Variants in MYH14 observed in about 807,000 individuals in gnomAD.
MYH14 encodes myosin-14.
A neutral mutation model predicts 255.5 loss-of-function variants in MYH14; 123 were observed. The observed-to-expected ratio is 0.48, with a 90% confidence interval of 0.42 to 0.56. The LOEUF is 0.56. Ranked by LOEUF, MYH14 falls within the 20% of genes least tolerant of loss-of-function variation. MYH14 has a pLI of 0.00. For synonymous variants in MYH14, 1,095 were observed against 1,161.2 expected, an observed-to-expected ratio of 0.94 and a Z score of 1.16; for missense variants, 2,423 against 2,802.3, an observed-to-expected ratio of 0.86 and a Z score of 3.06.
rs1214997527 is a variant in MYH14, at chr19:50,210,585, G to A, written c.220G>A (p.Gly74Ser). 6 of 1,575,896 alleles carry A rather than the reference G, an allele frequency of 3.8e-6. No individual in the cohort carries two copies. Among genetic ancestry groups the A allele is most frequent in the Admixed American group, 1.9e-5 (1 of 53,946 alleles). Residue 74 changes from glycine (G) to serine (S), a missense_variant, in exon 2 of 43, where the codon GGC (glycine) becomes AGC (serine). This residue lies in a region of MYH14 where 238 missense variants were observed against 245.8 expected (regional missense o/e 0.97). Coordinates refer to ENST00000642316, the MANE Select transcript of MYH14 (RefSeq NM_001145809.2). ...CGAGGCGGCGGCGCTGCGGGACGAAGGCGAGGAGGAGGCGGAGGTGGAGCT... is the reference window on the plus strand; with the variant it reads ...CGAGGCGGCGGCGCTGCGGGACGAAAGCGAGGAGGAGGCGGAGGTGGAGCT... ...GFEAAALRDE[G>S]EEEAEVELAE...
chr19:50,230,412 T>C lies in MYH14; in HGVS notation c.875-113T>C. On this transcript the variant is annotated intron_variant, in intron 8 of 42. Transcript: ENST00000642316. This position sits in a 1 kb window ranked among gnomAD's most constrained non-coding sequence, Gnocchi z 4.7. The stretch of plus-strand genomic sequence containing the variant: ...GTCACCAGCCTGGGCTGTGAGCGAC[T>C]CCACTACACCACAGGAGAGAAGGGG... 1 of 923,920 alleles carries C rather than the reference T, an allele frequency of 1.1e-6. No individual in the cohort carries two copies. The highest frequency in any genetic ancestry group is 1.7e-6 in the Non-Finnish European group (1 of 587,122). The allele number at this position is 923,920 out of a possible 1,614,324, so 57.2% of individuals were successfully genotyped here. A position where few individuals can be genotyped will look rare whatever the true frequency, so the allele number is the denominator to read the frequency against.
Position 50,272,568 on chromosome 19 carries a change from C to T in MYH14, c.3304C>T (p.Arg1102Trp), listed in dbSNP as rs397516629. Residue 1102 changes from arginine (R) to tryptophan (W), a missense_variant, in exon 27 of 43, where the codon CGG (arginine) becomes TGG (tryptophan). Physicochemically the swap from Arg to Trp is moderately radical, Grantham distance 101. Coordinates refer to ENST00000642316, the MANE Select transcript of MYH14 (RefSeq NM_001145809.2). Reference protein sequence around the residue: ...ATIADMEDRLRKEEKGRQELE... With the variant: ...ATIADMEDRLWKEEKGRQELE... ...CCCACCCCTGCCTCCAGACCGCCTACGGAAGGAGGAGAAGGGTCGCCAGGA... is the reference window on the plus strand; with the variant it reads ...CCCACCCCTGCCTCCAGACCGCCTATGGAAGGAGGAGAAGGGTCGCCAGGA... The T allele has an allele frequency of 1.1e-4, 175 of 1,572,110 alleles. No individual in the cohort carries two copies. Among genetic ancestry groups the T allele is most frequent in the Middle Eastern group, 3.8e-4 (2 of 5,302 alleles).
At chr19:50,222,871 C>A (rs2032905623) in intron 3 of MYH14, among the ~76,000 whole-genome samples, 1 of 152,190 alleles carries the variant, frequency 6.6e-6, no homozygotes, top group Non-Finnish European at 1.5e-5. Context: ...AACCAAGGCT[C>A]AGAGAGGGAC....
At chr19:50,308,878 CAG>C (rs1048986060) in intron 41 of MYH14, 125 bp from the exon 42 acceptor site, 13 of 937,886 alleles carry the variant, frequency 1.4e-5, no homozygotes, top group South Asian at 1.7e-5. Context: ...AAGGCCTAAA[CAG>C]AGAGCAGAGG....
chr19:50,295,724 C>T (rs975104099), intron 39 of MYH14, among the ~76,000 whole-genome samples: 3 of 147,306 alleles, frequency 2.0e-5, no homozygotes, highest in Non-Finnish European at 4.5e-5. Flanking sequence ...CCAGGGAGGT[C>T]GAAGCTGCAG....
At position 50,280,118 on chromosome 19, in the gene MYH14, G is replaced by T. The variant is rs1211940119; in HGVS notation, c.4114G>T (p.Glu1372Ter). 1 of 1,607,384 alleles carries T rather than the reference G, an allele frequency of 6.2e-7. No homozygotes were observed. Among genetic ancestry groups the T allele is most frequent in the Non-Finnish European group, 8.5e-7 (1 of 1,177,118 alleles). The change falls in exon 31 of 43, where the codon GAA (glutamate) becomes TAA (stop). Residue 1372 changes from glutamate (E) to a stop codon, truncating the protein, a stop_gained. Coordinates refer to ENST00000642316, the MANE Select transcript of MYH14 (RefSeq NM_001145809.2). LOFTEE classifies it high-confidence loss of function. The surrounding 1 kb of genome is among the most constrained non-coding windows in gnomAD (Gnocchi z 4.8). ...IRLSKELSSTEAQLHDAQELL... is the reference protein window; with the variant it reads ...IRLSKELSST ...TCTTAGCAAGGAGCTGAGCAGCACA[G>T]AAGCCCAGCTGCACGATGCCCAGGT...
intron 39 of MYH14, among the ~76,000 whole-genome samples, chr19:50,297,032 CT>C (rs1415799128): frequency 6.6e-6 from 1 of 152,064 alleles, no homozygotes; most frequent in Non-Finnish European, 1.5e-5. Flanking sequence ...GTCACCCAGA[CT>C]GGAGTGCCGT....
intron 10 of MYH14, among the ~76,000 whole-genome samples, chr19:50,236,206 G>A (rs1277240101): frequency 2.0e-5 from 3 of 151,482 alleles, no homozygotes; most frequent in Non-Finnish European, 2.9e-5. Flanking sequence ...GGTGGTGTGC[G>A]CCTTTACTCC....
intron 10 of MYH14, among the ~76,000 whole-genome samples, chr19:50,233,449 C>T (rs773119966): frequency 8.5e-5 from 13 of 152,276 alleles, no homozygotes; most frequent in Non-Finnish European, 1.5e-4. Flanking sequence ...GGATTCCAGG[C>T]GTGAGCCGCT....
Position 50,209,181 on chromosome 19 carries a change from T to C in MYH14, c.-3-1182T>C, listed in dbSNP as rs1026945765. 2.6e-5 allele frequency among the ~76,000 whole-genome samples: 4 copies of C among 152,090 alleles called. 1 individual carries two copies. The highest frequency in any genetic ancestry group is 2.6e-4 in the Admixed American group (4 of 15,264). ...TCAAAATAAAATAAAATAGATTGAATTTAAATGAATGAAATTGAAAATGTG... is the reference window on the plus strand; with the variant it reads ...TCAAAATAAAATAAAATAGATTGAACTTAAATGAATGAAATTGAAAATGTG... On this transcript the variant is annotated intron_variant, in intron 1 of 42. Transcript: ENST00000642316.
Position 50,295,777 on chromosome 19 carries a change from G to A in MYH14, c.5469+2090G>A, listed in dbSNP as rs150279817. On this transcript the variant is annotated intron_variant, in intron 39 of 42. Transcript: ENST00000642316. ...ACTGCACTCCAGCCTGGGCAACATAGTGAGACCCTGTCTCAAAAAGAAAAG... is the reference window on the plus strand; with the variant it reads ...ACTGCACTCCAGCCTGGGCAACATAATGAGACCCTGTCTCAAAAAGAAAAG... 8.8e-3 allele frequency among the ~76,000 whole-genome samples: 1,335 copies of A among 152,200 alleles called. 18 individuals carry two copies. The highest frequency in any genetic ancestry group is 0.03 in the African/African-American group (1,266 of 41,522).
intron 1 of MYH14, among the ~76,000 whole-genome samples, chr19:50,208,514 AAG>A (rs112016606): frequency 3.3e-5 from 5 of 151,962 alleles, no homozygotes; most frequent in African/African-American, 1.2e-4. Context: ...AAAAATAAAA[AAG>A]AGAGAGAGAA....
chr19:50,293,743 A>G lies in MYH14; in HGVS notation c.5469+56A>G. 6.7e-7 allele frequency: 1 copy of G among 1,496,716 alleles called. No individual in the cohort carries two copies. Among genetic ancestry groups the G allele is most frequent in the South Asian group, 1.4e-5 (1 of 72,340 alleles). 92.7% of individuals were successfully genotyped at this position (1,496,716 alleles called of 1,614,324 possible). The stretch of plus-strand genomic sequence containing the variant: ...CAGTCCCCATTGACCTGGGACCGTA[A>G]CCTTCAGTCCTCTTATTCAACAAAT... On this transcript the variant is annotated intron_variant, in intron 39 of 42. Transcript: ENST00000642316. This position sits in a 1 kb window ranked among gnomAD's most constrained non-coding sequence, Gnocchi z 4.1.
intron 33 of MYH14, among the ~76,000 whole-genome samples, chr19:50,284,534 A>AT (rs1325014351): frequency 2.0e-5 from 3 of 151,598 alleles, no homozygotes; most frequent in African/African-American, 7.3e-5. Context: ...CACCCGGCTA[A>AT]TTTTTTTATT....
chr19:50,230,420 A>G lies in MYH14; in HGVS notation c.875-105A>G. ...CCTGGGCTGTGAGCGACTCCACTAC[A>G]CCACAGGAGAGAAGGGGGCAGCGTG... On this transcript the variant is annotated intron_variant, in intron 8 of 42. Transcript: ENST00000642316. The surrounding 1 kb of genome is among the most constrained non-coding windows in gnomAD (Gnocchi z 4.7). 2.0e-6 allele frequency: 2 copies of G among 1,008,886 alleles called. No individual in the cohort carries two copies. Among genetic ancestry groups the G allele is most frequent in the Non-Finnish European group, 1.5e-6 (1 of 659,834 alleles). The allele number at this position is 1,008,886 out of a possible 1,614,324, so 62.5% of individuals were successfully genotyped here. A position where few individuals can be genotyped will look rare whatever the true frequency, so the allele number is the denominator to read the frequency against.
chr19:50,252,566 GAA>G lies in MYH14; in HGVS notation c.1831-72_1831-71del. The G allele has an allele frequency of 9.4e-7, 1 of 1,062,948 alleles. No homozygotes were observed. The highest frequency in any genetic ancestry group is 1.3e-5 in the South Asian group (1 of 74,118). 65.8% of individuals were successfully genotyped at this position (1,062,948 alleles called of 1,614,324 possible). Reference sequence around the variant, plus strand: ...AGACCTGGGAGTCTCAGAGCTTCTGGAAGGCTCCTTAGGAAATCCAGAGAATG... The same window carrying G: ...AGACCTGGGAGTCTCAGAGCTTCTGGGGCTCCTTAGGAAATCCAGAGAATG... On this transcript the variant is annotated intron_variant, in intron 15 of 42. Transcript: ENST00000642316. The surrounding 1 kb of genome is among the most constrained non-coding windows in gnomAD (Gnocchi z 4.2).
At chr19:50,240,168 G>A (rs773405419) in intron 10 of MYH14, among the ~76,000 whole-genome samples, 2 of 152,242 alleles carry the variant, frequency 1.3e-5, no homozygotes, top group Non-Finnish European at 2.9e-5. Context: ...GTGAGGGAAG[G>A]GGGCTTTGGA....
Position 50,280,486 on chromosome 19 carries a change from GC to G in MYH14, c.4290+105del. On this transcript the variant is annotated intron_variant, in intron 32 of 42. Coordinates refer to ENST00000642316, the MANE Select transcript of MYH14 (RefSeq NM_001145809.2). This position sits in a 1 kb window ranked among gnomAD's most constrained non-coding sequence, Gnocchi z 4.8. ...GGCCATGCTGCCCACCTTCTCATAG[GC>G]CAGACCCATGGGTGCCTTTCTCATC... 1 of 1,265,454 alleles carries G rather than the reference GC, an allele frequency of 7.9e-7. No homozygotes were observed. Among genetic ancestry groups the G allele is most frequent in the Non-Finnish European group, 1.1e-6 (1 of 937,950 alleles). The allele number at this position is 1,265,454 out of a possible 1,614,324, so 78.4% of individuals were successfully genotyped here.
chr19:50,260,549 CTG>C, intron 19 of MYH14, 95 bp from the exon 20 acceptor site: 1 of 766,738 alleles, frequency 1.3e-6, no homozygotes, highest in Non-Finnish European at 2.3e-6. Flanking sequence ...GTTGTTCCTG[CTG>C]TGTGTCACTC....
Sources: gnomAD v4.1 joint callset for allele counts (sites outside exome capture counted in the v4.1 genomes callset) on GRCh38, gnomAD v4.1.1 for gene constraint, gnomAD v4.1.1 regional missense constraint, Gnocchi (gnomAD v3.1) non-coding constraint, MANE v1.5 for transcripts, NCBI Gene and HGNC (gene_info 2026-07-23, HGNC 2026-07-21) for gene names.